Variants in PAX4 observed in about 807,000 individuals in gnomAD.
The protein encoded by PAX4 is paired box protein Pax-4.
In PAX4, 33 loss-of-function variants were observed where a neutral mutation model predicts 40.6. The observed-to-expected ratio is 0.81, with a 90% CI of 0.62 to 1.09. The LOEUF (loss-of-function observed/expected upper bound fraction) is 1.09. PAX4 is among the 50% of genes least tolerant of loss of function. The pLI, the probability that PAX4 is intolerant of heterozygous loss-of-function variation, is 0.00. For missense variants in PAX4, 459 were observed against 442.5 expected (o/e 1.04, Z -0.33); for synonymous variants, 174 against 170.6 (o/e 1.02, Z -0.16).
At chr7:127,616,457 C>A (rs1447702950) in intron 2 of PAX4, among the ~76,000 whole-genome samples, 3 of 152,186 alleles carry the variant, frequency 2.0e-5, no homozygotes, top group African/African-American at 7.2e-5. Context: ...CACTATTAGG[C>A]AGTCCTCGGT....
intron 2 of PAX4, among the ~76,000 whole-genome samples, 191 bp downstream of exon 2, chr7:127,617,084 A>G (rs148791016): frequency 6.3e-4 from 96 of 152,382 alleles, no homozygotes; most frequent in Middle Eastern, 6.8e-3. Flanking sequence ...TGAATAAGAT[A>G]TTAAGCATGA....
chr7:127,614,561 G>A lies in PAX4; in HGVS notation c.361-4C>T, dbSNP rs1205765909. The A allele has an allele frequency of 1.3e-6, 2 of 1,585,956 alleles. No homozygotes were observed. The highest frequency in any genetic ancestry group is 1.7e-6 in the Non-Finnish European group (2 of 1,165,094). ...GGACTCGGTTGATGGAGGAGACCTG[G>A]GAGTGTCAGGGTGTTGAGTGGAGAG... On this transcript the variant is annotated splice_region_variant and splice_polypyrimidine_tract_variant and intron_variant, in intron 5 of 11. Coordinates refer to ENST00000639438, the MANE Select transcript of PAX4 (RefSeq NM_001366110.1).
intron 10 of PAX4, 26 bp downstream of exon 10, chr7:127,611,919 A>G: frequency 6.2e-7 from 1 of 1,613,772 alleles, no homozygotes; most frequent in Non-Finnish European, 8.5e-7. Context: ...TTCCCAGGGC[A>G]CAGACTCCCC....
chr7:127,612,936 G>A, intron 9 of PAX4, 86 bp downstream of exon 9: 2 of 657,834 alleles, frequency 3.0e-6, no homozygotes, highest in Non-Finnish European at 5.0e-6. Flanking sequence ...ACGAATGGAG[G>A]ATGGATGGAT....
In PAX4 at chr7:127,611,048, C is replaced by T; in HGVS notation, c.*16G>A. On this transcript the variant is annotated 3_prime_UTR_variant, in exon 12 of 12. Coordinates refer to ENST00000639438, the MANE Select transcript of PAX4 (RefSeq NM_001366110.1). ...GTATTAGATCTTCTCTATGCCATCT[C>T]CTTCCCACTCCTGCCTCATTCCAAG... The T allele has an allele frequency of 1.3e-6, 2 of 1,594,328 alleles. No individual in the cohort carries two copies. Among genetic ancestry groups the T allele is most frequent in the Non-Finnish European group, 1.7e-6 (2 of 1,168,710 alleles).
rs115157546 is a variant in PAX4, at chr7:127,614,895, C to T, written c.345G>A (p.Gln115=). The part of the protein sequence containing the change: ...RQLCAEGLCT[Q]DKTPSVSSIN... ...GGGTACTTACACTGGGAGTCTTGTC[C>T]TGGGTGCAAAGCCCTTCAGCACAAA... Residue 115 remains glutamine, a synonymous_variant, in exon 5 of 12, where the codon CAG becomes CAA. Coordinates refer to ENST00000639438, the MANE Select transcript of PAX4 (RefSeq NM_001366110.1). The T allele has an allele frequency of 1.1e-4, 170 of 1,614,112 alleles. 1 individual carries two copies. The East Asian group carries it at 3.5e-3, about 33-fold the overall frequency.
At chr7:127,613,980 G>T in intron 6 of PAX4, 99 bp from the exon 7 acceptor site, 1 of 1,417,544 alleles carries the variant, frequency 7.1e-7, no homozygotes, top group East Asian at 2.4e-5. Flanking sequence ...GAGACACCAT[G>T]GGTAGAAGAG....
chr7:127,614,865 G>A lies in PAX4; in HGVS notation c.360+15C>T. Reference sequence around the variant, plus strand: ...CTCTTTTCCAGCCCCAGTGTGGGGAGGGAAGGGTACTTACACTGGGAGTCT... The same window carrying A: ...CTCTTTTCCAGCCCCAGTGTGGGGAAGGAAGGGTACTTACACTGGGAGTCT... On this transcript the variant is annotated intron_variant, in intron 5 of 11. Coordinates refer to ENST00000639438, the MANE Select transcript of PAX4 (RefSeq NM_001366110.1). 6.2e-7 allele frequency: 1 copy of A among 1,612,998 alleles called. No homozygotes were observed. The highest frequency in any genetic ancestry group is 8.5e-7 in the Non-Finnish European group (1 of 1,179,450).
chr7:127,615,903 C>A lies in PAX4; in HGVS notation c.13+13G>T. Reference sequence around the variant, plus strand: ...TGTCCTCCCTGTCTTCCCACTTCCCCCAGGCTCCTCACCGTCCTGATGCAT... The same window carrying A: ...TGTCCTCCCTGTCTTCCCACTTCCCACAGGCTCCTCACCGTCCTGATGCAT... On this transcript the variant is annotated intron_variant, in intron 3 of 11. Transcript: ENST00000639438. 1 of 1,536,134 alleles carries A rather than the reference C, an allele frequency of 6.5e-7. No individual in the cohort carries two copies. Among genetic ancestry groups the A allele is most frequent in the Non-Finnish European group, 8.7e-7 (1 of 1,146,918 alleles).
chr7:127,614,492 G>A lies in PAX4; in HGVS notation c.426C>T (p.Leu142=). ...QEDQGLPCTR[L]RSPAVLAPAV... is the part of the protein sequence containing the mutation. ...AACTCCAAGACCCACCTGGTGACCT[G>A]AGCCGTGTGCACGGTAGTCCCTGGT... Residue 142 remains leucine (L), a synonymous_variant, in exon 6 of 12, where the codon CTC becomes CTT. Transcript: ENST00000639438. 3 of 1,595,298 alleles carry A rather than the reference G, an allele frequency of 1.9e-6. No homozygotes were observed. Among genetic ancestry groups the A allele is most frequent in the Non-Finnish European group, 2.6e-6 (3 of 1,170,318 alleles).
intron 10 of PAX4, 95 bp from the exon 11 acceptor site, chr7:127,611,771 T>C: frequency 6.2e-7 from 1 of 1,601,992 alleles, no homozygotes. Flanking sequence ...CCAAGTAGTA[T>C]CCTGCACAAC....
chr7:127,611,249 C>G, intron 11 of PAX4, 43 bp from the exon 12 acceptor site: 5 of 1,520,094 alleles, frequency 3.3e-6, no homozygotes, highest in Non-Finnish European at 4.5e-6. Flanking sequence ...TTGCTCCCAC[C>G]CCACCTCTCA....
At chr7:127,617,105 G>C (rs1469048847) in intron 2 of PAX4, among the ~76,000 whole-genome samples, 170 bp downstream of exon 2, 3 of 152,180 alleles carry the variant, frequency 2.0e-5, no homozygotes, top group Non-Finnish European at 4.4e-5. Flanking sequence ...GCACATTGCT[G>C]GTTGTTCAGG....
At chr7:127,615,746 A>C (rs1794715541) in intron 3 of PAX4, 170 bp downstream of exon 3, 1 of 1,496,132 alleles carries the variant, frequency 6.7e-7, no homozygotes, top group South Asian at 1.3e-5. Flanking sequence ...CATACCCGCC[A>C]ACTCTCCTGA....
At position 127,613,359 on chromosome 7, in the gene PAX4, C is replaced by T. The variant is rs1050528588; in HGVS notation, c.645+91G>A. The T allele has an allele frequency of 6.4e-6, 8 of 1,258,306 alleles. No homozygotes were observed. In the African/African-American group the frequency reaches 1.0e-4, roughly 16 times the overall value. 77.9% of individuals were successfully genotyped at this position (1,258,306 alleles called of 1,614,324 possible). A position where few individuals can be genotyped will look rare whatever the true frequency, so the allele number is the denominator to read the frequency against. The stretch of plus-strand genomic sequence containing the variant: ...AAACAAATTTGCTTCCAATTTCTCA[C>T]CTCCCCTCTCCACCTCATTGGAACC... On this transcript the variant is annotated intron_variant, in intron 8 of 11. Coordinates refer to ENST00000639438, the MANE Select transcript of PAX4 (RefSeq NM_001366110.1).
chr7:127,617,374 C>A lies in PAX4; in HGVS notation c.-199G>T, dbSNP rs942332047. On this transcript the variant is annotated 5_prime_UTR_variant, in exon 2 of 12. Coordinates refer to ENST00000639438, the MANE Select transcript of PAX4 (RefSeq NM_001366110.1). ...GTTTTCCAAAGAGAAAACTGAGGCA[C>A]AGATTGGCATTGCCACAAGTCAGGG... 2.6e-5 allele frequency: 4 copies of A among 152,162 alleles called. No individual in the cohort carries two copies. Among genetic ancestry groups the A allele is most frequent in the Non-Finnish European group, 5.9e-5 (4 of 68,040 alleles). The allele number at this position is 152,162 out of a possible 1,614,324, so 9.4% of individuals were successfully genotyped here.
At position 127,617,276 on chromosome 7, in the gene PAX4, T is replaced by C. The variant is rs997237710; in HGVS notation, c.-101A>G. The stretch of plus-strand genomic sequence containing the variant: ...GTCGCTAAATTGGCTTTTACTCACT[T>C]GTTTCTAGGTAGGTAGAGGCACAGA... On this transcript the variant is annotated splice_region_variant and 5_prime_UTR_variant, in exon 2 of 12. Transcript: ENST00000639438. The C allele has an allele frequency of 6.6e-6, 1 of 151,888 alleles. No homozygotes were observed. Among genetic ancestry groups the C allele is most frequent in the Non-Finnish European group, 1.5e-5 (1 of 68,038 alleles). The allele number at this position is 151,888 out of a possible 1,614,324, so 9.4% of individuals were successfully genotyped here. A position where few individuals can be genotyped will look rare whatever the true frequency, so the allele number is the denominator to read the frequency against.
intron 9 of PAX4, among the ~76,000 whole-genome samples, chr7:127,612,356 T>C (rs921869681): frequency 2.6e-5 from 4 of 151,932 alleles, no homozygotes; most frequent in African/African-American, 7.3e-5. Context: ...GATGGATGGA[T>C]GGATGGATGC....
chr7:127,613,152 C>A lies in PAX4; in HGVS notation c.646-61G>T, dbSNP rs183059219. The A allele has an allele frequency of 3.0e-6, 4 of 1,319,868 alleles. No individual in the cohort carries two copies. The East Asian group carries it at 9.2e-5, about 30-fold the overall frequency. The allele number at this position is 1,319,868 out of a possible 1,614,324, so 81.8% of individuals were successfully genotyped here. A position where few individuals can be genotyped will look rare whatever the true frequency, so the allele number is the denominator to read the frequency against. ...TTTATGCTGCCTGTCACCTGCTGAT[C>A]TCACCACATGTTCCTAGCCTGAACT... On this transcript the variant is annotated intron_variant, in intron 8 of 11. Coordinates refer to ENST00000639438, the MANE Select transcript of PAX4 (RefSeq NM_001366110.1).
Sources: allele counts gnomAD v4.1 joint callset (sites outside exome capture counted in the v4.1 genomes callset), GRCh38; gene constraint gnomAD v4.1.1; transcripts MANE v1.5; gene names NCBI Gene and HGNC (gene_info 2026-07-23, HGNC 2026-07-21).